The following PRKG1 variants were observed in gnomAD, a reference collection of about 807,000 sequenced individuals.
The protein encoded by PRKG1 is protein kinase cGMP-dependent 1, also known as cGMP-dependent protein kinase 1.
A neutral mutation model predicts 88.1 loss-of-function variants in PRKG1; 35 were observed. The observed-to-expected ratio is 0.40, with a 90% CI of 0.30 to 0.53. PRKG1 has a LOEUF of 0.53. Among genes scored for constraint, PRKG1 ranks in the 20% least tolerant of loss-of-function variants. The probability of loss-of-function intolerance (pLI) is 0.59; values close to 1 mark genes in which losing one functional copy is unlikely to be tolerated. For missense variants in PRKG1, 540 were observed against 839.8 expected (o/e 0.64, Z 4.41); for synonymous variants, 303 against 292.5 (o/e 1.04, Z -0.37).
chr10:51,559,182 A>G (rs1413775781), intron 3 of PRKG1, among the ~76,000 whole-genome samples: 1 of 152,044 alleles, frequency 6.6e-6, no homozygotes, highest in Non-Finnish European at 1.5e-5. Flanking sequence ...TATCCCTTGC[A>G]GATAAAGGGG....
At chr10:51,631,030 G>T (rs926323630) in intron 3 of PRKG1, among the ~76,000 whole-genome samples, 1 of 152,140 alleles carries the variant, frequency 6.6e-6, no homozygotes, top group African/African-American at 2.4e-5. Flanking sequence ...AGTTTTGAAG[G>T]CTTCATGGCT....
rs1846668708 is a variant in PRKG1, at chr10:52,077,804, A to C, written c.935+15173A>C. Among the ~76,000 whole-genome samples the C allele has an allele frequency of 2.0e-5, 3 of 152,136 alleles. No individual in the cohort carries two copies. The South Asian group carries it at 6.2e-4, about 32-fold the overall frequency. ...GAATACTTTAGGGCTCATTTGGGTA[A>C]ATGGAATTAGATGCCCATGAGTGCA... On this transcript the variant is annotated intron_variant, in intron 7 of 17. Transcript: ENST00000373980.
At chr10:51,313,728 C>T (rs1205584030) in intron 2 of PRKG1, among the ~76,000 whole-genome samples, 1 of 152,110 alleles carries the variant, frequency 6.6e-6, no homozygotes, top group Non-Finnish European at 1.5e-5. Flanking sequence ...GCTCAATTCT[C>T]TAAATAAAAT....
chr10:51,379,797 T>C (rs1048320657), intron 2 of PRKG1, among the ~76,000 whole-genome samples: 4 of 152,206 alleles, frequency 2.6e-5, no homozygotes, highest in Admixed American at 6.5e-5. Context: ...ACAGTGCACA[T>C]TGGCAGGCAG....
intron 2 of PRKG1, among the ~76,000 whole-genome samples, chr10:51,311,239 C>G (rs188074453): frequency 1.3e-5 from 2 of 152,090 alleles, no homozygotes; most frequent in African/African-American, 4.8e-5. Context: ...TTATTACATA[C>G]TGCCTTGGTT....
In PRKG1 at chr10:51,359,668, G is replaced by T. The variant is rs543820608; in HGVS notation, c.479-108055G>T. ...CATGGCTGACTATGTTTTAGCATTA[G>T]GAGTGAGACTTTCCTTGCTGTAAAT... On this transcript the variant is annotated intron_variant, in intron 2 of 17. Transcript: ENST00000373980. 6.6e-5 allele frequency among the ~76,000 whole-genome samples: 10 copies of T among 151,958 alleles called. 1 individual carries two copies. The highest frequency in any genetic ancestry group is 1.9e-4 in the African/African-American group (8 of 41,504).
chr10:51,833,794 T>G (rs1402026876), intron 4 of PRKG1, among the ~76,000 whole-genome samples: 2 of 152,178 alleles, frequency 1.3e-5, no homozygotes, highest in Admixed American at 6.6e-5. Context: ...CCAGAACTGA[T>G]TCCTCCTATC....
chr10:51,206,343 A>G (rs1399080412), intron 2 of PRKG1, among the ~76,000 whole-genome samples: 2 of 151,994 alleles, frequency 1.3e-5, no homozygotes, highest in East Asian at 3.9e-4. Context: ...TACAAAAAAA[A>G]TTAGCCAGGC....
intron 2 of PRKG1, among the ~76,000 whole-genome samples, chr10:51,256,756 T>A (rs1045625316): frequency 2.0e-5 from 3 of 151,924 alleles, no homozygotes; most frequent in African/African-American, 7.3e-5. Flanking sequence ...ATTCTCTCAG[T>A]GGGAGTAGAA....
At chr10:51,279,779 G>C (rs1840240235) in intron 2 of PRKG1, among the ~76,000 whole-genome samples, 1 of 152,136 alleles carries the variant, frequency 6.6e-6, no homozygotes, top group Non-Finnish European at 1.5e-5. Flanking sequence ...CTGCATTTGA[G>C]ATGCGTCTCC....
chr10:52,274,548 T>C (rs954116077), intron 12 of PRKG1, among the ~76,000 whole-genome samples: 28 of 148,132 alleles, frequency 1.9e-4, no homozygotes, highest in Admixed American at 1.4e-3. Context: ...CACACACACA[T>C]GCCATCATAT....
intron 2 of PRKG1, among the ~76,000 whole-genome samples, chr10:51,253,950 G>T (rs1839489716): frequency 6.6e-6 from 1 of 151,924 alleles, no homozygotes; most frequent in South Asian, 2.1e-4. Flanking sequence ...GAAGAAAAAT[G>T]TTGCCATGTT....
At chr10:51,190,618 G>C (rs1483467808) in intron 2 of PRKG1, among the ~76,000 whole-genome samples, 3 of 151,812 alleles carry the variant, frequency 2.0e-5, no homozygotes, top group Non-Finnish European at 4.4e-5. Context: ...GGAAGACCCA[G>C]GAGTTCTCTT....
At chr10:52,212,376 G>C (rs1297217454) in intron 9 of PRKG1, among the ~76,000 whole-genome samples, 1 of 152,084 alleles carries the variant, frequency 6.6e-6, no homozygotes, top group Non-Finnish European at 1.5e-5. Flanking sequence ...ACTTAAAATA[G>C]GAAAGGAGGC....
chr10:52,258,667 T>C (rs1841362855), intron 10 of PRKG1, among the ~76,000 whole-genome samples: 1 of 152,064 alleles, frequency 6.6e-6, no homozygotes, highest in Admixed American at 6.6e-5. Context: ...TCCAAAATAT[T>C]TGTGGGATAT....
chr10:51,871,435 G>T (rs1002257175), intron 4 of PRKG1, among the ~76,000 whole-genome samples: 4 of 152,118 alleles, frequency 2.6e-5, no homozygotes, highest in African/African-American at 9.7e-5. Flanking sequence ...TTCCAGCCTG[G>T]CCTCCCCATC....
chr10:51,097,791 C>G (rs1332265207), intron 1 of PRKG1, among the ~76,000 whole-genome samples: 2 of 152,102 alleles, frequency 1.3e-5, no homozygotes, highest in Non-Finnish European at 2.9e-5. Context: ...CTGGATGGCC[C>G]GCAGGCAGGA....
intron 4 of PRKG1, among the ~76,000 whole-genome samples, chr10:51,859,868 T>C (rs1840825223): frequency 6.6e-6 from 1 of 152,212 alleles, no homozygotes; most frequent in Non-Finnish European, 1.5e-5. Context: ...CATATATGCT[T>C]TATTTCTCCT....
At chr10:51,899,266 A>G (rs1841925675) in intron 4 of PRKG1, among the ~76,000 whole-genome samples, 1 of 152,166 alleles carries the variant, frequency 6.6e-6, no homozygotes, top group African/African-American at 2.4e-5. Context: ...AATATTTGAA[A>G]AATATTTATT....
Sources: allele counts gnomAD v4.1 joint callset (sites outside exome capture counted in the v4.1 genomes callset), GRCh38; gene constraint gnomAD v4.1.1; transcripts MANE v1.5; gene names NCBI Gene and HGNC (gene_info 2026-07-23, HGNC 2026-07-21).